NRG3: variants seen among roughly 807,000 people sequenced by gnomAD.
The protein encoded by NRG3 is neuregulin 3.
A neutral mutation model predicts 66.9 loss-of-function variants in NRG3; 31 were observed. The ratio of observed to expected loss-of-function variants is 0.46; its 90% CI spans 0.35 to 0.63. The LOEUF is 0.63. Among genes scored for constraint, NRG3 ranks in the 20% least tolerant of loss-of-function variants. NRG3 has a pLI of 0.00. For missense variants in NRG3, 910 were observed against 878.9 expected (o/e 1.04, Z -0.45); for synonymous variants, 393 against 359.4 (o/e 1.09, Z -1.06).
chr10:82,172,629 C>T (rs952325539), intron 1 of NRG3, among the ~76,000 whole-genome samples: 9 of 152,110 alleles, frequency 5.9e-5, no homozygotes, highest in Non-Finnish European at 1.2e-4. Context: ...AGATCACCTT[C>T]AATCTCATCA....
chr10:82,116,949 A>G (rs1359096811), intron 1 of NRG3, among the ~76,000 whole-genome samples: 1 of 152,012 alleles, frequency 6.6e-6, no homozygotes, highest in East Asian at 1.9e-4. Flanking sequence ...TTTGCCCTCA[A>G]CAAGCTGCAA....
chr10:82,613,481 GT>G (rs1275902976), intron 2 of NRG3, among the ~76,000 whole-genome samples: 12 of 151,216 alleles, frequency 7.9e-5, no homozygotes, highest in African/African-American at 2.7e-4. Context: ...TTGTTTTAAA[GT>G]TGTAGGATGA....
At chr10:82,648,098 G>T (rs2133864966) in intron 2 of NRG3, among the ~76,000 whole-genome samples, 2 of 150,966 alleles carry the variant, frequency 1.3e-5, no homozygotes, top group Middle Eastern at 6.8e-3. Flanking sequence ...GTCCTGAATG[G>T]TACTGCCTAG....
chr10:81,906,919 C>T (rs115723817), intron 1 of NRG3, among the ~76,000 whole-genome samples: 1 of 151,594 alleles, frequency 6.6e-6, no homozygotes, highest in Non-Finnish European at 1.5e-5. Context: ...GAGGATTAGT[C>T]AGAGAGAGAA....
Position 82,148,877 on chromosome 10 carries a change from G to A in NRG3, c.824-209862G>A, listed in dbSNP as rs2070464450. ...ATCTCACCATCCACACTTCTTGCTT[G>A]CCTGTCCTGCTTGCCTATCACTCAC... is the stretch of plus-strand genomic sequence containing the variant. On this transcript the variant is annotated intron_variant, in intron 1 of 8. Coordinates refer to ENST00000372141, the MANE Select transcript of NRG3 (RefSeq NM_001010848.4). Among the ~76,000 whole-genome samples the A allele has an allele frequency of 2.0e-5, 3 of 151,728 alleles. No individual in the cohort carries two copies. In the South Asian group the frequency reaches 6.3e-4, roughly 32 times the overall value.
At chr10:82,540,062 A>G (rs553902607) in intron 2 of NRG3, among the ~76,000 whole-genome samples, 4 of 152,254 alleles carry the variant, frequency 2.6e-5, no homozygotes, top group South Asian at 2.1e-4. Flanking sequence ...ATTTTGCTCT[A>G]AGAAGACAAA....
intron 4 of NRG3, among the ~76,000 whole-genome samples, chr10:82,912,544 A>G (rs1310986797): frequency 6.6e-6 from 1 of 152,164 alleles, no homozygotes; most frequent in East Asian, 1.9e-4. Context: ...CCACGCCATT[A>G]TATTTAAAGT....
At chr10:82,895,926 G>A (rs1201678342) in intron 4 of NRG3, among the ~76,000 whole-genome samples, 1 of 152,110 alleles carries the variant, frequency 6.6e-6, no homozygotes, top group African/African-American at 2.4e-5. Flanking sequence ...TTTTACTATA[G>A]CATTAGGTTG....
chr10:82,159,452 A>G (rs1255099839), intron 1 of NRG3, among the ~76,000 whole-genome samples: 1 of 151,400 alleles, frequency 6.6e-6, no homozygotes, highest in Non-Finnish European at 1.5e-5. Flanking sequence ...CATCTATTGG[A>G]CTCATCCTTT....
chr10:82,442,963 G>C (rs1243768437), intron 2 of NRG3, among the ~76,000 whole-genome samples: 1 of 151,736 alleles, frequency 6.6e-6, no homozygotes, highest in African/African-American at 2.4e-5. Flanking sequence ...TTCCTTAGAG[G>C]GAGACAGCCG....
intron 4 of NRG3, among the ~76,000 whole-genome samples, chr10:82,922,555 A>G (rs773260960): frequency 6.6e-6 from 1 of 152,170 alleles, no homozygotes; most frequent in Non-Finnish European, 1.5e-5. Flanking sequence ...TCATCTTGAT[A>G]AACAGACGCT....
intron 1 of NRG3, among the ~76,000 whole-genome samples, chr10:82,065,237 G>T (rs1389305360): frequency 6.6e-6 from 1 of 152,114 alleles, no homozygotes; most frequent in Admixed American, 6.5e-5. Context: ...TTAATAGCAA[G>T]CACAAGCAGG....
chr10:82,786,924 T>C (rs951242715), intron 3 of NRG3, among the ~76,000 whole-genome samples: 1 of 152,094 alleles, frequency 6.6e-6, no homozygotes, highest in Non-Finnish European at 1.5e-5. Context: ...CACCTTCCAC[T>C]ACGGTATGAT....
At chr10:82,650,513 T>C (rs1030799049) in intron 2 of NRG3, among the ~76,000 whole-genome samples, 2 of 152,160 alleles carry the variant, frequency 1.3e-5, no homozygotes, top group Non-Finnish European at 2.9e-5. Flanking sequence ...CTAATAAAAA[T>C]AGAGTCACAA....
At chr10:82,875,089 G>T (rs1841689174) in intron 4 of NRG3, among the ~76,000 whole-genome samples, 1 of 152,122 alleles carries the variant, frequency 6.6e-6, no homozygotes, top group Non-Finnish European at 1.5e-5. Context: ...TCTCACATGG[G>T]GTAATCTACA....
chr10:82,070,491 A>G (rs889259425), intron 1 of NRG3, among the ~76,000 whole-genome samples: 3 of 152,176 alleles, frequency 2.0e-5, no homozygotes, highest in Admixed American at 6.5e-5. Flanking sequence ...AAAGTCAAAA[A>G]CTGTAACAGA....
At chr10:81,911,062 A>T (rs908918542) in intron 1 of NRG3, among the ~76,000 whole-genome samples, 6 of 152,152 alleles carry the variant, frequency 3.9e-5, no homozygotes, top group Non-Finnish European at 7.4e-5. Flanking sequence ...GTGCCAGCAG[A>T]TTTTTTTGTC....
intron 2 of NRG3, among the ~76,000 whole-genome samples, chr10:82,610,319 C>T (rs1184205436): frequency 5.0e-5 from 4 of 79,232 alleles, no homozygotes; most frequent in African/African-American, 1.5e-4. Flanking sequence ...CCGTGTAAAG[C>T]AATATTCACA....
chr10:82,387,467 C>T (rs761944045), intron 2 of NRG3, among the ~76,000 whole-genome samples: 7 of 152,150 alleles, frequency 4.6e-5, no homozygotes, highest in Non-Finnish European at 1.0e-4. Flanking sequence ...CAGCTGTGGG[C>T]GTTATAACAT....
Sources: gnomAD v4.1 joint callset for allele counts (sites outside exome capture counted in the v4.1 genomes callset) on GRCh38, gnomAD v4.1.1 for gene constraint, MANE v1.5 for transcripts, NCBI Gene and HGNC (gene_info 2026-07-23, HGNC 2026-07-21) for gene names.